ROBO1: variants seen among roughly 807,000 people sequenced by gnomAD.
ROBO1 encodes the protein roundabout guidance receptor 1.
Under a neutral mutation model 195.9 loss-of-function variants are expected in ROBO1, and 149 were observed. That is an observed-to-expected ratio of 0.76 (90% CI 0.67 to 0.87). The LOEUF (loss-of-function observed/expected upper bound fraction) is 0.87, where lower values mean the gene tolerates loss of function less well. ROBO1 is among the 40% of genes least tolerant of loss of function. The probability of loss-of-function intolerance (pLI) is 0.00; values close to 1 mark genes in which losing one functional copy is unlikely to be tolerated. For synonymous variants in ROBO1, 816 were observed against 733.2 expected, an observed-to-expected ratio of 1.11 and a Z score of -1.82; for missense variants, 1,933 against 2,068.3, an observed-to-expected ratio of 0.93 and a Z score of 1.27.
rs968334923 is a variant in ROBO1 at position 79,166,560 on chromosome 3, CT to C, written c.89-41022del. On this transcript the variant is annotated intron_variant, in intron 2 of 30. Coordinates refer to ENST00000464233, the MANE Select transcript of ROBO1 (RefSeq NM_002941.4). ...GATGGAAGGCAAGTTTTCTATTTTT[CT>C]TTTTTTTTTTTTTTTTATTTTTGAG... 3.6e-3 allele frequency among the ~76,000 whole-genome samples: 487 copies of C among 135,054 alleles called. 2 individuals carry two copies. Among genetic ancestry groups the C allele is most frequent in the East Asian group, 0.013 (61 of 4,686 alleles). 88.6% of individuals were successfully genotyped at this position (135,054 alleles called of 152,430 possible).
chr3:79,511,436 A>G (rs571060507), intron 2 of ROBO1, among the ~76,000 whole-genome samples: 28 of 152,292 alleles, frequency 1.8e-4, no homozygotes, highest in Non-Finnish European at 2.5e-4. Context: ...CTCGAAGGAT[A>G]TGCATTTTCA....
chr3:78,885,940 T>TATATATATATATAC (rs1043908565), intron 4 of ROBO1, among the ~76,000 whole-genome samples: 5 of 140,804 alleles, frequency 3.6e-5, no homozygotes, highest in African/African-American at 1.0e-4. Flanking sequence ...TATATATATA[T>TATATATATATATAC]ACATACATAT....
At chr3:78,830,550 AAGG>A (rs2032077438) in intron 4 of ROBO1, among the ~76,000 whole-genome samples, 1 of 152,198 alleles carries the variant, frequency 6.6e-6, no homozygotes, top group African/African-American at 2.4e-5. Flanking sequence ...TGGCGACAGG[AAGG>A]AGAAGAATGA....
chr3:78,673,562 T>TTACATA (rs1708202150), intron 10 of ROBO1, among the ~76,000 whole-genome samples: 1 of 63,366 alleles, frequency 1.6e-5, no homozygotes, highest in Non-Finnish European at 3.2e-5. Context: ...TACATATATT[T>TTACATA]TATATATATA....
intron 2 of ROBO1, among the ~76,000 whole-genome samples, chr3:79,413,212 A>T (rs536725079): frequency 1.9e-4 from 29 of 152,176 alleles, no homozygotes; most frequent in African/African-American, 7.0e-4. Flanking sequence ...AATATATTTA[A>T]AAAACATGTA....
chr3:79,496,216 A>C (rs1939726051), intron 2 of ROBO1, among the ~76,000 whole-genome samples: 1 of 146,302 alleles, frequency 6.8e-6, no homozygotes. Context: ...CTGTCTCAAA[A>C]AAAAAAAAAA....
intron 2 of ROBO1, among the ~76,000 whole-genome samples, chr3:79,557,678 AC>A (rs1466884013): frequency 6.7e-6 from 1 of 149,216 alleles, no homozygotes; most frequent in African/African-American, 2.5e-5. Flanking sequence ...ATGTTCGGTG[AC>A]CCGAGATCGC....
At chr3:79,281,319 TTTA>T (rs140684216) in intron 2 of ROBO1, among the ~76,000 whole-genome samples, 16,767 of 152,066 alleles carry the variant, frequency 0.11, 2,416 homozygotes, top group African/African-American at 0.33. Context: ...GATTGATTGA[TTTA>T]TTATTATTAT....
intron 25 of ROBO1, among the ~76,000 whole-genome samples, chr3:78,629,763 A>G (rs895101812): frequency 6.6e-6 from 1 of 151,970 alleles, no homozygotes; most frequent in African/African-American, 2.4e-5. Context: ...TTATTTGTAA[A>G]CCCCCAAATT....
At chr3:79,236,514 G>T (rs986712246) in intron 2 of ROBO1, among the ~76,000 whole-genome samples, 1 of 151,710 alleles carries the variant, frequency 6.6e-6, no homozygotes, top group East Asian at 1.9e-4. Flanking sequence ...CATTTTTTTT[G>T]ACTTCCAACA....
At chr3:79,758,657 GAAGAC>G (rs1427987890) in intron 1 of ROBO1, among the ~76,000 whole-genome samples, 1 of 152,182 alleles carries the variant, frequency 6.6e-6, no homozygotes, top group Non-Finnish European at 1.5e-5. Context: ...GGTATTTTGA[GAAGAC>G]AAGAAGGGGA....
At chr3:79,499,313 A>C (rs1939928436) in intron 2 of ROBO1, among the ~76,000 whole-genome samples, 1 of 152,182 alleles carries the variant, frequency 6.6e-6, no homozygotes, top group South Asian at 2.1e-4. Flanking sequence ...GTCTTTAAAA[A>C]CAATTTAAGC....
At chr3:79,621,431 A>G (rs1945006058) in intron 1 of ROBO1, among the ~76,000 whole-genome samples, 1 of 152,164 alleles carries the variant, frequency 6.6e-6, no homozygotes, top group Non-Finnish European at 1.5e-5. Flanking sequence ...CTTCACATGG[A>G]CGTGCATGAC....
chr3:79,747,844 A>G (rs1219680010), intron 1 of ROBO1, among the ~76,000 whole-genome samples: 1 of 152,052 alleles, frequency 6.6e-6, no homozygotes, highest in East Asian at 1.9e-4. Context: ...AAAAATGGAG[A>G]TAGGATAAAT....
chr3:79,728,444 T>A (rs1460916849), intron 1 of ROBO1, among the ~76,000 whole-genome samples: 1 of 152,142 alleles, frequency 6.6e-6, no homozygotes, highest in Non-Finnish European at 1.5e-5. Context: ...CATCGATAAC[T>A]CTTTGTTTTG....
chr3:79,676,838 T>G (rs1946798663), intron 1 of ROBO1, among the ~76,000 whole-genome samples: 2 of 151,838 alleles, frequency 1.3e-5, no homozygotes, highest in Admixed American at 6.6e-5. Context: ...TGAGGGGGAG[T>G]CAGTTTAGCT....
intron 3 of ROBO1, among the ~76,000 whole-genome samples, chr3:78,955,056 T>TA (rs1464113214): frequency 6.6e-6 from 1 of 151,550 alleles, no homozygotes; most frequent in African/African-American, 2.4e-5. Context: ...TCCATGGGGT[T>TA]ATATAGGTAA....
At chr3:79,216,528 A>G (rs1346848704) in intron 2 of ROBO1, among the ~76,000 whole-genome samples, 2 of 152,004 alleles carry the variant, frequency 1.3e-5, no homozygotes, top group Non-Finnish European at 2.9e-5. Context: ...TGTTACGTTG[A>G]GTTTCCAAAC....
At chr3:79,041,712 T>C (rs2078490752) in intron 3 of ROBO1, among the ~76,000 whole-genome samples, 1 of 152,092 alleles carries the variant, frequency 6.6e-6, no homozygotes, top group African/African-American at 2.4e-5. Flanking sequence ...CCCACACAGA[T>C]AGCCCTTAAT....
Sources: gnomAD v4.1 joint callset for allele counts (sites outside exome capture counted in the v4.1 genomes callset) on GRCh38, gnomAD v4.1.1 for gene constraint, MANE v1.5 for transcripts, NCBI Gene and HGNC (gene_info 2026-07-23, HGNC 2026-07-21) for gene names.